STARD13: variants seen among roughly 807,000 people sequenced by gnomAD.
STARD13 encodes stAR-related lipid transfer protein 13.
Under a neutral mutation model 106.4 loss-of-function variants are expected in STARD13, and 62 were observed. The ratio of observed to expected loss-of-function variants is 0.58; its 90% CI spans 0.48 to 0.72. The LOEUF is 0.72. STARD13 is among the 30% of genes least tolerant of loss of function. The pLI, the probability that STARD13 is intolerant of heterozygous loss-of-function variation, is 0.00. For synonymous variants in STARD13, 565 were observed against 553.0 expected, an observed-to-expected ratio of 1.02 and a Z score of -0.31; for missense variants, 1,387 against 1,424.0, an observed-to-expected ratio of 0.97 and a Z score of 0.42.
chr13:33,206,524 C>G (rs1887430014), intron 1 of STARD13, among the ~76,000 whole-genome samples: 1 of 152,196 alleles, frequency 6.6e-6, no homozygotes, highest in Non-Finnish European at 1.5e-5. Context: ...TTAAAAAACT[C>G]AGGTCATCCT....
At chr13:33,368,457 TAAG>T in the STARD13 span, among the ~76,000 whole-genome samples, 1 of 152,080 alleles carries the variant, frequency 6.6e-6, no homozygotes, top group Admixed American at 6.5e-5. Flanking sequence ...TTTCAAAAAT[TAAG>T]AAAAATAATG....
At chr13:33,528,261 T>TATATATATATATATATATATATACAC in the STARD13 span, among the ~76,000 whole-genome samples, 180 of 128,258 alleles carry the variant, frequency 1.4e-3, 3 homozygotes, top group African/African-American at 5.9e-3. Context: ...TATATACATA[T>TATATATATATATATATATATATACAC]ATATATATAT....
the STARD13 span, among the ~76,000 whole-genome samples, chr13:33,447,784 G>A: frequency 1.3e-5 from 2 of 152,124 alleles, no homozygotes; most frequent in African/African-American, 2.4e-5. Context: ...GGAGAGATGG[G>A]AGTGTTAATT....
At position 33,105,562 on chromosome 13, in the gene STARD13, T is replaced by TTCTCTCGCTTTCTCACATGCA; in HGVS notation, c.*30_*31insTGCATGTGAGAAAGCGAGAGA. The TTCTCTCGCTTTCTCACATGCA allele has an allele frequency of 2.7e-6, 4 of 1,476,788 alleles. No individual in the cohort carries two copies. Among genetic ancestry groups the TTCTCTCGCTTTCTCACATGCA allele is most frequent in the Non-Finnish European group, 3.8e-6 (4 of 1,054,560 alleles). 91.5% of individuals were successfully genotyped at this position (1,476,788 alleles called of 1,614,324 possible). A position where few individuals can be genotyped will look rare whatever the true frequency, so the allele number is the denominator to read the frequency against. On this transcript the variant is annotated 3_prime_UTR_variant, in exon 14 of 14. Transcript: ENST00000336934. ...CACACTCGTCACTTTAGCTTCCTCT[T>TTCTCTCGCTTTCTCACATGCA]CCCTGAGTTTGATGTCACACTGGGC...
chr13:33,107,398 A>C (rs1225836469), intron 12 of STARD13, among the ~76,000 whole-genome samples: 1 of 152,166 alleles, frequency 6.6e-6, no homozygotes, highest in Non-Finnish European at 1.5e-5. Context: ...AAAAGCACTG[A>C]GGTAAATGCA....
chr13:33,561,957 A>T, the STARD13 span, among the ~76,000 whole-genome samples: 32 of 147,146 alleles, frequency 2.2e-4, 1 homozygote, highest in Non-Finnish European at 2.5e-4. Context: ...TTATTTTTTT[A>T]AAAATTTAGC....
At chr13:33,369,284 T>G in the STARD13 span, among the ~76,000 whole-genome samples, 1 of 152,044 alleles carries the variant, frequency 6.6e-6, no homozygotes, top group Non-Finnish European at 1.5e-5. Context: ...GTTTTTCTGC[T>G]GACACAGATG....
At chr13:33,246,807 T>C (rs946976746) in intron 1 of STARD13, among the ~76,000 whole-genome samples, 3 of 152,210 alleles carry the variant, frequency 2.0e-5, no homozygotes, top group African/African-American at 7.2e-5. Context: ...AGAATTAAGA[T>C]TGCTTCTTGG....
chr13:33,282,448 G>A (rs1025304965), intron 1 of STARD13, among the ~76,000 whole-genome samples: 1 of 152,068 alleles, frequency 6.6e-6, no homozygotes, highest in African/African-American at 2.4e-5. Flanking sequence ...TCCTCCCCAT[G>A]AGTGTATCTG....
intron 1 of STARD13, among the ~76,000 whole-genome samples, chr13:33,339,053 C>T (rs1359522017): frequency 6.6e-6 from 1 of 152,082 alleles, no homozygotes; most frequent in East Asian, 1.9e-4. Flanking sequence ...TCAATAATCC[C>T]TTACATAGGG....
chr13:33,449,849 A>C, the STARD13 span, among the ~76,000 whole-genome samples: 1 of 152,110 alleles, frequency 6.6e-6, no homozygotes. Context: ...GTAGCTATTG[A>C]AAATGGTATT....
the STARD13 span, among the ~76,000 whole-genome samples, chr13:33,418,450 G>A: frequency 6.6e-6 from 1 of 152,226 alleles, no homozygotes; most frequent in Non-Finnish European, 1.5e-5. Context: ...CTCAAACTGG[G>A]TGGAGCCCAC....
chr13:33,467,479 T>C, the STARD13 span, among the ~76,000 whole-genome samples: 47,977 of 152,016 alleles, frequency 0.32, 8,079 homozygotes, highest in Non-Finnish European at 0.39. Context: ...TGCTGTGTGA[T>C]GCAGTTCCTA....
At chr13:33,164,577 CA>C (rs1237271753) in intron 3 of STARD13, among the ~76,000 whole-genome samples, 1 of 152,150 alleles carries the variant, frequency 6.6e-6, no homozygotes, top group South Asian at 2.1e-4. Context: ...TATGAAACTT[CA>C]AATTCCTACA....
chr13:33,459,289 T>C, the STARD13 span, among the ~76,000 whole-genome samples: 1 of 152,192 alleles, frequency 6.6e-6, no homozygotes, highest in Non-Finnish European at 1.5e-5. Flanking sequence ...TGACTAAGCA[T>C]GTGCCTTCTC....
At chr13:33,488,310 C>T in the STARD13 span, among the ~76,000 whole-genome samples, 51 of 152,314 alleles carry the variant, frequency 3.3e-4, no homozygotes, top group Non-Finnish European at 6.6e-4. Context: ...GTCCCCTCAT[C>T]CAGGTGTGCT....
the STARD13 span, among the ~76,000 whole-genome samples, chr13:33,519,210 T>TCTG: frequency 6.1e-5 from 4 of 65,772 alleles, no homozygotes; most frequent in African/African-American, 2.5e-4. Flanking sequence ...TGGTAATTTT[T>TCTG]TCTTTCTTTC....
chr13:33,215,019 A>T (rs1887949406), intron 1 of STARD13, among the ~76,000 whole-genome samples: 1 of 150,766 alleles, frequency 6.6e-6, no homozygotes, highest in Admixed American at 6.7e-5. Flanking sequence ...AGACACATAG[A>T]CTGTTGCTCC....
intron 2 of STARD13, among the ~76,000 whole-genome samples, 153 bp downstream of exon 2, chr13:33,167,397 TA>T (rs2138374643): frequency 1.3e-5 from 2 of 152,024 alleles, no homozygotes; most frequent in East Asian, 3.9e-4. Context: ...GGTATCAGGA[TA>T]ACCCCTGGGC....
Sources: allele counts gnomAD v4.1 joint callset (sites outside exome capture counted in the v4.1 genomes callset), GRCh38; gene constraint gnomAD v4.1.1; transcripts MANE v1.5; gene names NCBI Gene and HGNC (gene_info 2026-07-23, HGNC 2026-07-21).